Variants in PPP1R9A observed in about 807,000 individuals in gnomAD.
PPP1R9A encodes the protein protein phosphatase 1 regulatory subunit 9A.
PPP1R9A carries 59 observed loss-of-function variants against 141.9 expected under a neutral mutation model. The ratio of observed to expected loss-of-function variants is 0.42; its 90% CI spans 0.34 to 0.52. PPP1R9A has a LOEUF of 0.52. PPP1R9A is among the 20% of genes least tolerant of loss of function. The probability of loss-of-function intolerance (pLI) is 0.10; values close to 1 mark genes in which losing one functional copy is unlikely to be tolerated. For synonymous variants in PPP1R9A, 500 were observed against 569.7 expected, an observed-to-expected ratio of 0.88 and a Z score of 1.74; for missense variants, 1,444 against 1,611.9, an observed-to-expected ratio of 0.90 and a Z score of 1.78.
At chr7:95,072,560 A>G (rs1044483837) in intron 2 of PPP1R9A, among the ~76,000 whole-genome samples, 5 of 137,536 alleles carry the variant, frequency 3.6e-5, no homozygotes, top group African/African-American at 5.4e-5. Flanking sequence ...TGTCAGAATT[A>G]GCAGGCAATA....
chr7:95,066,591 A>G (rs1812979861), intron 2 of PPP1R9A, among the ~76,000 whole-genome samples: 3 of 152,228 alleles, frequency 2.0e-5, no homozygotes. Flanking sequence ...ACAAAAGGAC[A>G]TTAAAAGGAG....
chr7:95,003,197 A>G (rs1459543438), intron 2 of PPP1R9A, among the ~76,000 whole-genome samples: 3 of 152,190 alleles, frequency 2.0e-5, no homozygotes, highest in Non-Finnish European at 4.4e-5. Flanking sequence ...GTTGCTAAAG[A>G]AAACAGTCGT....
chr7:95,151,714 G>A lies in PPP1R9A; in HGVS notation c.1650-10153G>A, dbSNP rs180807925. ...TGTAAGATGTTGATGGGTTGATGGG[G>A]GGAGACTGTGCATGTGTGCAGACAG... On this transcript the variant is annotated intron_variant, in intron 4 of 19. Coordinates refer to ENST00000433360, the MANE Select transcript of PPP1R9A (RefSeq NM_001166160.2). Among the ~76,000 whole-genome samples the A allele has an allele frequency of 7.6e-3, 1,155 of 151,538 alleles. 28 individuals are homozygous for A. Among genetic ancestry groups the A allele is most frequent in the Admixed American group, 0.04 (616 of 15,226 alleles).
rs774852555 is a variant in PPP1R9A, at chr7:95,235,272, CAAAG to C, written c.2112+9159_2112+9162del. ...AAGTCTTTGCCATCTATACATCTGA[CAAAG>C]AACGAATATCCAGAATCCACAAAGA... is the stretch of plus-strand genomic sequence containing the variant. On this transcript the variant is annotated intron_variant, in intron 8 of 19. Transcript: ENST00000433360. Among the ~76,000 whole-genome samples, 7 of 152,228 alleles carry C rather than the reference CAAAG, an allele frequency of 4.6e-5. No individual in the cohort carries two copies. The East Asian group carries it at 5.8e-4, about 13-fold the overall frequency.
At chr7:94,938,310 G>T (rs185071724) in intron 2 of PPP1R9A, among the ~76,000 whole-genome samples, 1 of 152,260 alleles carries the variant, frequency 6.6e-6, no homozygotes, top group Admixed American at 6.5e-5. Flanking sequence ...TGGAAAAATT[G>T]TCTTCCATGA....
intron 12 of PPP1R9A, among the ~76,000 whole-genome samples, chr7:95,265,736 T>G (rs1035307039): frequency 1.3e-5 from 2 of 152,220 alleles, no homozygotes; most frequent in African/African-American, 4.8e-5. Flanking sequence ...GGAATATAAA[T>G]TACTGATTTG....
intron 14 of PPP1R9A, 136 bp from the exon 15 acceptor site, chr7:95,273,763 T>C (rs1380052657): frequency 1.6e-5 from 13 of 837,908 alleles, no homozygotes; most frequent in Admixed American, 7.9e-5. Context: ...TCCTAGGTCG[T>C]ATAAGAAGGC....
intron 2 of PPP1R9A, among the ~76,000 whole-genome samples, chr7:95,013,525 T>G (rs1012257837): frequency 6.6e-6 from 1 of 152,142 alleles, no homozygotes; most frequent in African/African-American, 2.4e-5. Flanking sequence ...AGTAAGATGA[T>G]ATACAAGTAA....
At chr7:95,122,610 A>G (rs1443109591) in intron 4 of PPP1R9A, among the ~76,000 whole-genome samples, 2 of 152,220 alleles carry the variant, frequency 1.3e-5, no homozygotes, top group Non-Finnish European at 2.9e-5. Flanking sequence ...TTCATATAGC[A>G]CTTAGCATAA....
At chr7:95,000,132 A>T (rs1343658341) in intron 2 of PPP1R9A, among the ~76,000 whole-genome samples, 1 of 152,142 alleles carries the variant, frequency 6.6e-6, no homozygotes, top group Non-Finnish European at 1.5e-5. Context: ...AAGATTCATC[A>T]TGCAGTTCTG....
chr7:94,953,749 G>C (rs1453081414), intron 2 of PPP1R9A, among the ~76,000 whole-genome samples: 1 of 152,020 alleles, frequency 6.6e-6, no homozygotes, highest in African/African-American at 2.4e-5. Context: ...CTCATGATTT[G>C]GCTCTCTGTT....
At chr7:95,186,609 A>G (rs1446017132) in intron 5 of PPP1R9A, among the ~76,000 whole-genome samples, 1 of 152,132 alleles carries the variant, frequency 6.6e-6, no homozygotes, top group Non-Finnish European at 1.5e-5. Context: ...CTCAGGAGGA[A>G]TGCTTTCAAC....
At chr7:94,933,860 G>T (rs1794454477) in intron 2 of PPP1R9A, among the ~76,000 whole-genome samples, 1 of 152,002 alleles carries the variant, frequency 6.6e-6, no homozygotes, top group Non-Finnish European at 1.5e-5. Context: ...TTTTAGAATA[G>T]GCCCTTCATG....
intron 2 of PPP1R9A, among the ~76,000 whole-genome samples, chr7:94,978,882 C>T (rs1423263508): frequency 2.0e-5 from 3 of 152,248 alleles, no homozygotes; most frequent in Non-Finnish European, 2.9e-5. Flanking sequence ...CTACAACCTT[C>T]GCCTCCTGGG....
Position 94,927,093 on chromosome 7 carries a change from G to A in PPP1R9A, c.1395+15585G>A, listed in dbSNP as rs537989267. Among the ~76,000 whole-genome samples the A allele has an allele frequency of 1.9e-3, 294 of 152,232 alleles. 2 individuals are homozygous for A. Among genetic ancestry groups the A allele is most frequent in the African/African-American group, 6.6e-3 (276 of 41,552 alleles). ...TTTTTCCTAGGCAGAAATAGCTTTT[G>A]ATAGCATCCTAAGGAAGAGAATGGT... On this transcript the variant is annotated intron_variant, in intron 2 of 19. Transcript: ENST00000433360.
intron 2 of PPP1R9A, among the ~76,000 whole-genome samples, chr7:94,929,790 C>T (rs906291659): frequency 2.6e-5 from 4 of 152,042 alleles, no homozygotes; most frequent in African/African-American, 9.7e-5. Flanking sequence ...ACAGTGAACA[C>T]GGATGAGACT....
intron 7 of PPP1R9A, among the ~76,000 whole-genome samples, chr7:95,222,275 G>A (rs941785216): frequency 1.3e-5 from 2 of 151,968 alleles, no homozygotes; most frequent in Non-Finnish European, 2.9e-5. Context: ...CAGAACTTTA[G>A]TTTCTGTAGA....
In PPP1R9A at chr7:95,078,430, G is replaced by A. The variant is rs868062667; in HGVS notation, c.1396-32829G>A. Reference sequence around the variant, plus strand: ...AGTCTTTGCTATTGTGAATAGTGCCGCAATAAACATACGTGTGCATGTGTC... The same window carrying A: ...AGTCTTTGCTATTGTGAATAGTGCCACAATAAACATACGTGTGCATGTGTC... On this transcript the variant is annotated intron_variant, in intron 2 of 19. Coordinates refer to ENST00000433360, the MANE Select transcript of PPP1R9A (RefSeq NM_001166160.2). 2.6e-3 allele frequency among the ~76,000 whole-genome samples: 391 copies of A among 151,270 alleles called. 3 individuals are homozygous for A. Among genetic ancestry groups the A allele is most frequent in the African/African-American group, 7.5e-3 (310 of 41,114 alleles).
chr7:94,981,319 A>G (rs1316389673), intron 2 of PPP1R9A, among the ~76,000 whole-genome samples: 3 of 152,130 alleles, frequency 2.0e-5, no homozygotes, highest in Admixed American at 6.5e-5. Context: ...GGCTCACTGC[A>G]ACCTCTGTCT....
Sources: gnomAD v4.1 joint callset for allele counts (sites outside exome capture counted in the v4.1 genomes callset) on GRCh38, gnomAD v4.1.1 for gene constraint, MANE v1.5 for transcripts, NCBI Gene and HGNC (gene_info 2026-07-23, HGNC 2026-07-21) for gene names.